NRXN3: variants seen among roughly 807,000 people sequenced by gnomAD.
NRXN3 encodes the protein neurexin 3.
A neutral mutation model predicts 137.6 loss-of-function variants in NRXN3; 32 were observed. The observed-to-expected ratio is 0.23, with a 90% CI of 0.18 to 0.31. NRXN3 has a LOEUF of 0.31. NRXN3 is among the 10% of genes least tolerant of loss of function. The probability of loss-of-function intolerance (pLI) is 1.00; values close to 1 mark genes in which losing one functional copy is unlikely to be tolerated. For synonymous variants in NRXN3, 798 were observed against 784.5 expected, an observed-to-expected ratio of 1.02 and a Z score of -0.29; for missense variants, 1,574 against 2,062.5, an observed-to-expected ratio of 0.76 and a Z score of 4.59.
At chr14:79,080,975 T>C (rs2152755729) in intron 15 of NRXN3, among the ~76,000 whole-genome samples, 1 of 152,258 alleles carries the variant, frequency 6.6e-6, no homozygotes, top group South Asian at 2.1e-4. Flanking sequence ...TTTTTTTTGT[T>C]TTGTTTTGGT....
At chr14:78,778,576 C>T (rs1427224654) in intron 8 of NRXN3, among the ~76,000 whole-genome samples, 2 of 151,728 alleles carry the variant, frequency 1.3e-5, no homozygotes, top group African/African-American at 4.8e-5. Context: ...TTGTTTGTTT[C>T]TTCTTAAAAA....
At chr14:78,598,868 G>A (rs144525012) in intron 4 of NRXN3, among the ~76,000 whole-genome samples, 79 of 152,292 alleles carry the variant, frequency 5.2e-4, no homozygotes, top group African/African-American at 1.8e-3. Context: ...TAAACTGGAA[G>A]GTGGGTCTAG....
At chr14:78,345,647 A>T (rs2082645464) in intron 4 of NRXN3, among the ~76,000 whole-genome samples, 2 of 151,978 alleles carry the variant, frequency 1.3e-5, no homozygotes, top group African/African-American at 4.8e-5. Context: ...CTCAGTCTCG[A>T]TGGATATAGC....
At chr14:79,827,545 C>T (rs768400382) in intron 20 of NRXN3, among the ~76,000 whole-genome samples, 3 of 152,042 alleles carry the variant, frequency 2.0e-5, no homozygotes, top group East Asian at 3.9e-4. Context: ...ACGTTTAATT[C>T]GCTCAGAGTT....
intron 15 of NRXN3, among the ~76,000 whole-genome samples, chr14:79,465,756 G>A (rs901085825): frequency 6.6e-6 from 1 of 152,180 alleles, no homozygotes; most frequent in Non-Finnish European, 1.5e-5. Flanking sequence ...CTTTAAAAGA[G>A]TTTTAAGGGT....
chr14:79,266,110 G>T (rs971855422), intron 15 of NRXN3, among the ~76,000 whole-genome samples: 2 of 152,128 alleles, frequency 1.3e-5, no homozygotes, highest in African/African-American at 4.8e-5. Context: ...CTATAGGAGA[G>T]AGTCAGTGGT....
At chr14:79,258,389 G>A (rs543631061) in intron 15 of NRXN3, among the ~76,000 whole-genome samples, 2 of 152,076 alleles carry the variant, frequency 1.3e-5, no homozygotes, top group South Asian at 2.1e-4. Flanking sequence ...GTTTTTGGTA[G>A]AGACCAGGTT....
chr14:78,952,379 C>T (rs946342696), intron 10 of NRXN3, among the ~76,000 whole-genome samples: 5 of 152,132 alleles, frequency 3.3e-5, no homozygotes, highest in African/African-American at 7.2e-5. Flanking sequence ...GAACATAAAA[C>T]GCCTTTTTCC....
At chr14:79,383,092 T>C (rs2094515451) in intron 15 of NRXN3, among the ~76,000 whole-genome samples, 1 of 152,078 alleles carries the variant, frequency 6.6e-6, no homozygotes, top group Admixed American at 6.6e-5. Flanking sequence ...TTGGCACTGG[T>C]CTCTTGTTTC....
chr14:78,713,154 A>T (rs1297552806), intron 7 of NRXN3, among the ~76,000 whole-genome samples: 1 of 152,248 alleles, frequency 6.6e-6, no homozygotes, highest in East Asian at 1.9e-4. Context: ...AGGGTCATAA[A>T]GACATTTAGG....
intron 8 of NRXN3, among the ~76,000 whole-genome samples, chr14:78,722,318 G>A (rs1031508504): frequency 2.0e-5 from 3 of 152,156 alleles, no homozygotes; most frequent in Non-Finnish European, 4.4e-5. Flanking sequence ...GCAGGGACTC[G>A]GTGGCCATTT....
intron 16 of NRXN3, among the ~76,000 whole-genome samples, chr14:79,504,673 A>G (rs949170861): frequency 6.9e-6 from 1 of 144,506 alleles, no homozygotes; most frequent in Non-Finnish European, 1.5e-5. Flanking sequence ...ATATATATAT[A>G]TAAAACATTA....
At chr14:78,819,812 C>A (rs2098945344) in intron 10 of NRXN3, among the ~76,000 whole-genome samples, 1 of 152,188 alleles carries the variant, frequency 6.6e-6, no homozygotes, top group Non-Finnish European at 1.5e-5. Flanking sequence ...CTCAACCAAT[C>A]AGAAGCAGCC....
At chr14:78,376,073 C>G (rs762321793) in intron 4 of NRXN3, among the ~76,000 whole-genome samples, 4 of 151,446 alleles carry the variant, frequency 2.6e-5, no homozygotes, top group Non-Finnish European at 5.9e-5. Context: ...TCTGCTAGAT[C>G]CATTCTTTGA....
In NRXN3 at chr14:78,208,050, A is replaced by T. The variant is rs2062382476; in HGVS notation, c.-703-34341A>T. ...TTTCTTCTACTTGCTGAGTTAGCAT[A>T]GGTGGGTTATATAATCTGTCTGTTC... On this transcript the variant is annotated intron_variant, in intron 1 of 20. Coordinates refer to ENST00000335750, the MANE Select transcript of NRXN3 (RefSeq NM_001330195.2). Among the ~76,000 whole-genome samples the T allele has an allele frequency of 2.0e-5, 3 of 152,304 alleles. No homozygotes were observed. In the South Asian group the frequency reaches 6.2e-4, roughly 32 times the overall value.
At chr14:79,390,511 T>C (rs184198366) in intron 15 of NRXN3, among the ~76,000 whole-genome samples, 4 of 152,242 alleles carry the variant, frequency 2.6e-5, no homozygotes, top group African/African-American at 9.6e-5. Context: ...TCATAGTGTT[T>C]CAGTGACTTT....
chr14:78,928,324 A>C (rs1371111122), intron 10 of NRXN3, among the ~76,000 whole-genome samples: 1 of 151,900 alleles, frequency 6.6e-6, no homozygotes, highest in African/African-American at 2.4e-5. Flanking sequence ...TAATACTTTA[A>C]GTTTTAGGGT....
At chr14:79,051,348 C>CA (rs562187208) in intron 15 of NRXN3, among the ~76,000 whole-genome samples, 5 of 152,040 alleles carry the variant, frequency 3.3e-5, no homozygotes, top group African/African-American at 7.2e-5. Context: ...CACAACTCAA[C>CA]AAAAAAAAGT....
intron 4 of NRXN3, among the ~76,000 whole-genome samples, chr14:78,539,331 G>A (rs1274236081): frequency 6.6e-6 from 1 of 152,126 alleles, no homozygotes; most frequent in Non-Finnish European, 1.5e-5. Context: ...CTTCTTCCTG[G>A]TTTAGTCTTG....
Sources: allele counts gnomAD v4.1 joint callset (sites outside exome capture counted in the v4.1 genomes callset), GRCh38; gene constraint gnomAD v4.1.1; transcripts MANE v1.5; gene names NCBI Gene and HGNC (gene_info 2026-07-23, HGNC 2026-07-21).